DNAH14: variants seen among roughly 807,000 people sequenced by gnomAD.
The protein encoded by DNAH14 is dynein axonemal heavy chain 14.
A neutral mutation model predicts 520.9 loss-of-function variants in DNAH14; 478 were observed. The observed-to-expected ratio is 0.92, with a 90% CI of 0.85 to 0.99. DNAH14 has a LOEUF of 0.99. DNAH14 is among the 50% of genes least tolerant of loss of function. The pLI is 0.00. For missense variants in DNAH14, 4,831 were observed against 5,234.5 expected (o/e 0.92, Z 2.38); for synonymous variants, 1,581 against 1,757.2 (o/e 0.90, Z 2.51).
At chr1:225,380,933 A>G (rs2095773248) in intron 80 of DNAH14, among the ~76,000 whole-genome samples, 1 of 152,268 alleles carries the variant, frequency 6.6e-6, no homozygotes, top group Non-Finnish European at 1.5e-5. Flanking sequence ...TCAGCAAATT[A>G]GGGCTCGCAG....
chr1:225,062,335 A>G (rs1278116674), intron 17 of DNAH14, among the ~76,000 whole-genome samples: 1 of 152,144 alleles, frequency 6.6e-6, no homozygotes, highest in Non-Finnish European at 1.5e-5. Context: ...AGAGAAATAA[A>G]TAAATAAATA....
At chr1:224,948,517 C>A (rs2059983453) in intron 1 of DNAH14, among the ~76,000 whole-genome samples, 1 of 151,824 alleles carries the variant, frequency 6.6e-6, no homozygotes, top group South Asian at 2.1e-4. Context: ...CCCAATTTTG[C>A]TATCATTGTC....
chr1:225,376,490 TAC>T (rs2150712462), intron 78 of DNAH14, among the ~76,000 whole-genome samples: 1 of 152,354 alleles, frequency 6.6e-6, no homozygotes, highest in African/African-American at 2.4e-5. Flanking sequence ...CATGGTTTTG[TAC>T]AGAGTATTAC....
At position 225,097,170 on chromosome 1, in the gene DNAH14, A is replaced by G. The variant is rs2075056714; in HGVS notation, c.3626A>G (p.Glu1209Gly). 6.4e-7 allele frequency: 1 copy of G among 1,550,574 alleles called. No homozygotes were observed. The highest frequency in any genetic ancestry group is 1.4e-5 in the African/African-American group (1 of 73,018). The change falls in exon 22 of 86, where the codon GAG becomes GGG. Residue 1209 changes from glutamate (E) to glycine (G), a missense_variant. Glu to Gly is a moderately conservative substitution (Grantham distance 98). Transcript: ENST00000682510. ...TTGACTCTCTTCTCTTACACCCTTG[A>G]GGAATGGATGAATTGTCAAAGAAAT... is the stretch of plus-strand genomic sequence containing the variant. Reference protein sequence around the residue: ...QNLTLFSYTLEEWMNCQRNWL... With the variant: ...QNLTLFSYTLGEWMNCQRNWL...
chr1:225,022,820 T>C (rs1054730256), intron 10 of DNAH14, among the ~76,000 whole-genome samples: 17 of 152,124 alleles, frequency 1.1e-4, no homozygotes, highest in African/African-American at 3.9e-4. Context: ...CTATTCACAA[T>C]AGCAAAGACA....
intron 65 of DNAH14, among the ~76,000 whole-genome samples, chr1:225,332,863 G>A (rs1429588661): frequency 2.0e-5 from 3 of 151,572 alleles, no homozygotes; most frequent in Non-Finnish European, 4.4e-5. Context: ...AGCTGAGCAT[G>A]GTGGCACATG....
At chr1:225,357,327 A>T (rs1251773950) in intron 73 of DNAH14, among the ~76,000 whole-genome samples, 2 of 152,136 alleles carry the variant, frequency 1.3e-5, no homozygotes, top group Admixed American at 6.5e-5. Flanking sequence ...AAAAAAAAAA[A>T]TAGTCCTCAA....
At chr1:225,295,946 A>C (rs895119605) in intron 55 of DNAH14, among the ~76,000 whole-genome samples, 1 of 152,168 alleles carries the variant, frequency 6.6e-6, no homozygotes, top group African/African-American at 2.4e-5. Flanking sequence ...ATATATATTT[A>C]CAATAGTTAT....
rs1574296556 is a variant in DNAH14, at chr1:225,250,746, G to A, written c.6749-1555G>A. The A allele has an allele frequency of 1.4e-5, 7 of 499,886 alleles. No individual in the cohort carries two copies. The East Asian group carries it at 2.4e-4, about 17-fold the overall frequency. 31.0% of individuals were successfully genotyped at this position (499,886 alleles called of 1,614,324 possible). ...TTGTGGTTTCTGCAGGAAGGAATGG[G>A]CAAAGCAGTGTAAATGGGCTTGGGA... On this transcript the variant is annotated intron_variant, in intron 43 of 85. Coordinates refer to ENST00000682510, the MANE Select transcript of DNAH14 (RefSeq NM_001367479.1).
chr1:225,075,916 C>A (rs547968804), intron 17 of DNAH14, among the ~76,000 whole-genome samples: 5 of 152,058 alleles, frequency 3.3e-5, no homozygotes, highest in Non-Finnish European at 7.4e-5. Context: ...GTCAGCCTAT[C>A]CAGATATTCT....
At chr1:225,173,403 A>C (rs2082931234) in intron 36 of DNAH14, among the ~76,000 whole-genome samples, 1 of 152,226 alleles carries the variant, frequency 6.6e-6, no homozygotes, top group Non-Finnish European at 1.5e-5. Flanking sequence ...GAACTCAAAC[A>C]AATCTACAAG....
In DNAH14 at chr1:225,283,200, T is replaced by C. The variant is rs562023194; in HGVS notation, c.8271+5698T>C. On this transcript the variant is annotated intron_variant, in intron 54 of 85. Transcript: ENST00000682510. ...GTGGCAGACAAGCCCCAAATACAAATGCATTAAAAACTCCAATAAAAATAC... is the reference window on the plus strand; with the variant it reads ...GTGGCAGACAAGCCCCAAATACAAACGCATTAAAAACTCCAATAAAAATAC... 7.1e-4 allele frequency among the ~76,000 whole-genome samples: 108 copies of C among 151,760 alleles called. 1 individual carries two copies. The highest frequency in any genetic ancestry group is 2.5e-3 in the African/African-American group (104 of 41,450).
chr1:225,186,811 T>C (rs570541009), intron 37 of DNAH14, among the ~76,000 whole-genome samples: 223 of 151,964 alleles, frequency 1.5e-3, no homozygotes, highest in Non-Finnish European at 2.7e-3. Context: ...GACTATACTA[T>C]AATTTATTTA....
At chr1:225,252,454 G>C (rs1259220759) in intron 44 of DNAH14, 37 bp downstream of exon 44, 1 of 1,148,272 alleles carries the variant, frequency 8.7e-7, no homozygotes. Context: ...TGTAACGTTA[G>C]AATATTGGGT....
intron 55 of DNAH14, among the ~76,000 whole-genome samples, chr1:225,299,641 A>T (rs1246581313): frequency 6.6e-6 from 1 of 152,132 alleles, no homozygotes; most frequent in Non-Finnish European, 1.5e-5. Flanking sequence ...GTTTCAGAAA[A>T]TCATTTCAGG....
chr1:225,073,437 A>G (rs568567778), intron 17 of DNAH14, among the ~76,000 whole-genome samples: 1 of 152,116 alleles, frequency 6.6e-6, no homozygotes, highest in South Asian at 2.1e-4. Context: ...CCATCCAACG[A>G]CAAGGAACAG....
chr1:225,315,060 A>G (rs761303414), intron 60 of DNAH14, among the ~76,000 whole-genome samples: 1 of 151,986 alleles, frequency 6.6e-6, no homozygotes, highest in Non-Finnish European at 1.5e-5. Flanking sequence ...TCTCTCCATC[A>G]CTTTCAAGTA....
At chr1:225,088,792 G>A (rs1261497859) in intron 21 of DNAH14, among the ~76,000 whole-genome samples, 2 of 152,122 alleles carry the variant, frequency 1.3e-5, no homozygotes, top group East Asian at 1.9e-4. Context: ...GATATAAAAT[G>A]TAAACTGGAA....
At chr1:225,033,690 T>C (rs966279795) in intron 11 of DNAH14, among the ~76,000 whole-genome samples, 2 of 152,170 alleles carry the variant, frequency 1.3e-5, no homozygotes, top group African/African-American at 4.8e-5. Flanking sequence ...TTTAATGATA[T>C]TGATTCTATG....
Sources: gnomAD v4.1 joint callset for allele counts (sites outside exome capture counted in the v4.1 genomes callset) on GRCh38, gnomAD v4.1.1 for gene constraint, MANE v1.5 for transcripts, NCBI Gene and HGNC (gene_info 2026-07-23, HGNC 2026-07-21) for gene names.